The following LRRTM4 variants were observed in gnomAD, a reference collection of about 807,000 sequenced individuals.
LRRTM4 encodes leucine rich repeat transmembrane neuronal 4.
In LRRTM4, 25 loss-of-function variants were observed where a neutral mutation model predicts 47.6. That is an observed-to-expected ratio of 0.53 (90% CI 0.38 to 0.73). The LOEUF (loss-of-function observed/expected upper bound fraction) is 0.73, where lower values mean the gene tolerates loss of function less well. Ranked by LOEUF, LRRTM4 falls within the 30% of genes least tolerant of loss-of-function variation. LRRTM4 has a pLI of 0.00. For synonymous variants in LRRTM4, 311 were observed against 269.5 expected (o/e 1.15, Z -1.51); for missense variants, 638 against 713.4 (o/e 0.89, Z 1.20).
At chr2:77,026,811 A>C (rs1678469973) in intron 3 of LRRTM4, among the ~76,000 whole-genome samples, 1 of 152,154 alleles carries the variant, frequency 6.6e-6, no homozygotes, top group Non-Finnish European at 1.5e-5. Flanking sequence ...AGACTGTAGA[A>C]ATACACATGT....
At chr2:77,116,130 T>C (rs1210916994) in intron 3 of LRRTM4, among the ~76,000 whole-genome samples, 1 of 152,168 alleles carries the variant, frequency 6.6e-6, no homozygotes, top group Non-Finnish European at 1.5e-5. Context: ...GCTTGATTTG[T>C]AGTGTCAACG....
chr2:77,062,581 T>A (rs1679821392), intron 3 of LRRTM4, among the ~76,000 whole-genome samples: 1 of 152,144 alleles, frequency 6.6e-6, no homozygotes, highest in African/African-American at 2.4e-5. Flanking sequence ...GCCTACTCAA[T>A]ATGCATAGTG....
At chr2:76,780,741 A>T (rs937515376) in intron 3 of LRRTM4, among the ~76,000 whole-genome samples, 3 of 152,064 alleles carry the variant, frequency 2.0e-5, no homozygotes, top group African/African-American at 7.2e-5. Context: ...GATTGTCTGA[A>T]GTCTTCTTCT....
In LRRTM4 at chr2:77,109,047, G is replaced by C. The variant is rs918829144; in HGVS notation, c.1552-360131C>G. Reference sequence around the variant, plus strand: ...TAAAAGAGATATTATATTAAGCCTAGTGCTGAAGCGTACAATAAAGGCAAT... The same window carrying C: ...TAAAAGAGATATTATATTAAGCCTACTGCTGAAGCGTACAATAAAGGCAAT... On this transcript the variant is annotated intron_variant, in intron 3 of 3. Transcript: ENST00000409884. 5.9e-5 allele frequency among the ~76,000 whole-genome samples: 9 copies of C among 152,128 alleles called. No homozygotes were observed. In the East Asian group the frequency reaches 1.7e-3, roughly 29 times the overall value.
intron 3 of LRRTM4, among the ~76,000 whole-genome samples, chr2:77,021,487 C>G (rs1176550144): frequency 1.3e-5 from 2 of 152,112 alleles, no homozygotes; most frequent in Non-Finnish European, 2.9e-5. Flanking sequence ...GTCAAAGGGA[C>G]ACCAATACAC....
chr2:77,354,706 G>A (rs12151596), intron 3 of LRRTM4, among the ~76,000 whole-genome samples: 12,413 of 152,132 alleles, frequency 0.082, 770 homozygotes, highest in East Asian at 0.17. Flanking sequence ...TGCCTCAGAG[G>A]TACTTTCAGC....
At chr2:77,050,664 A>T (rs143011196) in intron 3 of LRRTM4, among the ~76,000 whole-genome samples, 8 of 152,156 alleles carry the variant, frequency 5.3e-5, no homozygotes, top group African/African-American at 1.4e-4. Flanking sequence ...ATCTAAACAT[A>T]TATCTTGAAT....
chr2:77,373,086 A>ATATAT (rs1553435858), intron 3 of LRRTM4, among the ~76,000 whole-genome samples: 25 of 130,116 alleles, frequency 1.9e-4, no homozygotes, highest in African/African-American at 5.0e-4. Flanking sequence ...AATTAAAAAA[A>ATATAT]AAATATATAT....
At chr2:77,090,622 TCCAGAA>T (rs1291818755) in intron 3 of LRRTM4, among the ~76,000 whole-genome samples, 2 of 152,090 alleles carry the variant, frequency 1.3e-5, no homozygotes, top group East Asian at 3.9e-4. Context: ...CAGACCTTCC[TCCAGAA>T]CCTCCTCCCC....
At chr2:76,894,556 T>C (rs143214468) in intron 3 of LRRTM4, among the ~76,000 whole-genome samples, 2 of 152,086 alleles carry the variant, frequency 1.3e-5, no homozygotes, top group African/African-American at 4.8e-5. Context: ...ATGATTCTTT[T>C]AATCACATGG....
chr2:77,306,044 A>G (rs1245260174), intron 3 of LRRTM4, among the ~76,000 whole-genome samples: 1 of 152,136 alleles, frequency 6.6e-6, no homozygotes, highest in Non-Finnish European at 1.5e-5. Flanking sequence ...TAATGTTTAC[A>G]TGTTATTCAT....
rs79972185 is a variant in LRRTM4, at chr2:77,021,597, C to A, written c.1552-272681G>T. Among the ~76,000 whole-genome samples, 405 of 152,206 alleles carry A rather than the reference C, an allele frequency of 2.7e-3. 1 individual carries two copies. The highest frequency in any genetic ancestry group is 9.5e-3 in the African/African-American group (396 of 41,542). On this transcript the variant is annotated intron_variant, in intron 3 of 3. Transcript: ENST00000409884. ...CACTATTTGTACTATATGTGAAAGA[C>A]CACATAGAGAAAGATCTCCAGTTAT...
intron 3 of LRRTM4, among the ~76,000 whole-genome samples, chr2:76,875,643 C>T (rs1328699989): frequency 2.0e-5 from 3 of 152,114 alleles, no homozygotes; most frequent in South Asian, 4.1e-4. Flanking sequence ...GAAAAAAGTC[C>T]CTGGCCTTTG....
chr2:77,403,453 A>C (rs887303069), intron 3 of LRRTM4, among the ~76,000 whole-genome samples: 1 of 151,962 alleles, frequency 6.6e-6, no homozygotes, highest in Non-Finnish European at 1.5e-5. Flanking sequence ...TTGAATAAAG[A>C]GGGAATGAAT....
chr2:77,294,738 A>C (rs750398857), intron 3 of LRRTM4, among the ~76,000 whole-genome samples: 7 of 152,178 alleles, frequency 4.6e-5, no homozygotes, highest in Non-Finnish European at 7.3e-5. Context: ...AGCTAAAAAC[A>C]TTGCAATCAT....
intron 3 of LRRTM4, among the ~76,000 whole-genome samples, chr2:77,232,768 A>T (rs1573114581): frequency 6.6e-6 from 1 of 152,218 alleles, no homozygotes; most frequent in South Asian, 2.1e-4. Flanking sequence ...ACTAAATTAG[A>T]ACTTTAGGAG....
At chr2:77,500,637 G>T (rs902419205) in intron 3 of LRRTM4, among the ~76,000 whole-genome samples, 2 of 151,562 alleles carry the variant, frequency 1.3e-5, no homozygotes. Context: ...ACATAAGTAA[G>T]TAGAGCCTTA....
At chr2:76,825,444 T>C (rs1330117822) in intron 3 of LRRTM4, among the ~76,000 whole-genome samples, 1 of 151,656 alleles carries the variant, frequency 6.6e-6, no homozygotes, top group African/African-American at 2.4e-5. Context: ...AAGAAAAGTA[T>C]TACAAATGAT....
intron 3 of LRRTM4, among the ~76,000 whole-genome samples, chr2:77,077,593 G>C (rs1293968106): frequency 1.3e-5 from 2 of 152,142 alleles, no homozygotes; most frequent in African/African-American, 4.8e-5. Flanking sequence ...TATTCTCCAA[G>C]TATAGCTCAG....
Sources: gnomAD v4.1 joint callset for allele counts (sites outside exome capture counted in the v4.1 genomes callset) on GRCh38, gnomAD v4.1.1 for gene constraint, MANE v1.5 for transcripts, NCBI Gene and HGNC (gene_info 2026-07-23, HGNC 2026-07-21) for gene names.